MVB12B: variants seen among roughly 807,000 people sequenced by gnomAD.
The protein encoded by MVB12B is ESCRT-I complex subunit MVB12B.
MVB12B carries 16 observed loss-of-function variants against 41.6 expected under a neutral mutation model. The observed-to-expected ratio is 0.38, with a 90% CI of 0.26 to 0.58. MVB12B has a LOEUF of 0.58. Ranked by LOEUF, MVB12B falls within the 20% of genes least tolerant of loss-of-function variation. The pLI is 0.62. For missense variants in MVB12B, 274 were observed against 380.2 expected (o/e 0.72, Z 2.32); for synonymous variants, 133 against 139.7 (o/e 0.95, Z 0.34).
chr9:126,482,582 C>T (rs1833545897), intron 8 of MVB12B, among the ~76,000 whole-genome samples: 1 of 150,768 alleles, frequency 6.6e-6, no homozygotes, highest in South Asian at 2.1e-4. Flanking sequence ...TCACCAGCTC[C>T]AGTTGGGAGA....
intron 2 of MVB12B, among the ~76,000 whole-genome samples, chr9:126,348,066 G>C (rs141948784): frequency 1.3e-5 from 2 of 152,206 alleles, no homozygotes; most frequent in Non-Finnish European, 2.9e-5. Context: ...GCTATCGTGG[G>C]GCTACTAACT....
intron 3 of MVB12B, among the ~76,000 whole-genome samples, chr9:126,385,485 CCTT>C (rs1830757002): frequency 8.5e-5 from 13 of 152,124 alleles, no homozygotes; most frequent in Admixed American, 8.5e-4. Context: ...AGGTAGCAGC[CCTT>C]CTTCTCTAAG....
At chr9:126,457,867 C>T (rs1050694135) in intron 7 of MVB12B, among the ~76,000 whole-genome samples, 4 of 152,148 alleles carry the variant, frequency 2.6e-5, no homozygotes, top group Admixed American at 6.6e-5. Context: ...CCAATAGCCT[C>T]GCTGGAGTCA....
intron 7 of MVB12B, among the ~76,000 whole-genome samples, chr9:126,465,223 C>T (rs1833174405): frequency 6.6e-6 from 1 of 152,178 alleles, no homozygotes; most frequent in Admixed American, 6.5e-5. Context: ...ATATTTAATA[C>T]TTGGGGTGAC....
chr9:126,400,249 A>AG (rs1831231974), intron 6 of MVB12B, among the ~76,000 whole-genome samples: 1 of 152,150 alleles, frequency 6.6e-6, no homozygotes, highest in African/African-American at 2.4e-5. Flanking sequence ...GTGGGGATGG[A>AG]GGGGTGGAGA....
chr9:126,477,075 T>C (rs1833437455), intron 7 of MVB12B, among the ~76,000 whole-genome samples: 1 of 152,128 alleles, frequency 6.6e-6, no homozygotes, highest in Non-Finnish European at 1.5e-5. Flanking sequence ...GCAGGAATCA[T>C]GGCACTGGCA....
chr9:126,336,752 A>ACG (rs200966267), intron 1 of MVB12B, among the ~76,000 whole-genome samples: 34,741 of 97,484 alleles, frequency 0.36, 4,183 homozygotes, highest in South Asian at 0.45. Context: ...TTGTGTGTGC[A>ACG]CGCACACACA....
At chr9:126,363,253 C>G (rs895446485) in intron 2 of MVB12B, among the ~76,000 whole-genome samples, 1 of 152,080 alleles carries the variant, frequency 6.6e-6, no homozygotes, top group African/African-American at 2.4e-5. Flanking sequence ...TCATTGAATT[C>G]TTGTTTCTAA....
intron 2 of MVB12B, among the ~76,000 whole-genome samples, chr9:126,374,385 A>C (rs1830423205): frequency 6.6e-6 from 1 of 152,244 alleles, no homozygotes; most frequent in African/African-American, 2.4e-5. Flanking sequence ...CATGCCTTAC[A>C]GGCCAGCCTC....
At chr9:126,464,971 A>G (rs551651613) in intron 7 of MVB12B, among the ~76,000 whole-genome samples, 9 of 152,306 alleles carry the variant, frequency 5.9e-5, no homozygotes, top group Non-Finnish European at 8.8e-5. Context: ...TCGTGCCGGT[A>G]TCGGCTTCAG....
At chr9:126,449,928 A>C (rs1832859444) in intron 7 of MVB12B, among the ~76,000 whole-genome samples, 2 of 152,202 alleles carry the variant, frequency 1.3e-5, no homozygotes, top group Admixed American at 6.5e-5. Context: ...ACAGCAAATC[A>C]AGGCAGTGGC....
At chr9:126,378,653 T>TC (rs1830553108) in intron 2 of MVB12B, among the ~76,000 whole-genome samples, 3 of 151,806 alleles carry the variant, frequency 2.0e-5, no homozygotes, top group African/African-American at 7.3e-5. Flanking sequence ...TCTCTCTCTC[T>TC]TTCTTTCTTC....
At position 126,398,764 on chromosome 9, in the gene MVB12B, G is replaced by GTGGGTC. The variant is rs1325644939; in HGVS notation, c.662+3067_662+3068insTGGGTC. Among the ~76,000 whole-genome samples the GTGGGTC allele has an allele frequency of 2.7e-3, 416 of 152,334 alleles. 1 individual carries two copies. Among genetic ancestry groups the GTGGGTC allele is most frequent in the African/African-American group, 9.6e-3 (401 of 41,562 alleles). ...AGCCCTGGCCCAGGCCAGCCAGGAG[G>GTGGGTC]ACCTAGGAAGCGGTGGGTCACAGAT... On this transcript the variant is annotated intron_variant, in intron 6 of 9. Coordinates refer to ENST00000361171, the MANE Select transcript of MVB12B (RefSeq NM_033446.3).
rs141590579 is a variant in MVB12B at position 126,456,661 on chromosome 9, T to A, written c.758-24708T>A. 1.2e-4 allele frequency among the ~76,000 whole-genome samples: 18 copies of A among 152,272 alleles called. No individual in the cohort carries two copies. In the East Asian group the frequency reaches 3.3e-3, roughly 28 times the overall value. ...GAGAGTGGGAGAGGAAAGGATCAGT[T>A]ACTCTTTGGCCACCTTGAACGCGCA... On this transcript the variant is annotated intron_variant, in intron 7 of 9. Coordinates refer to ENST00000361171, the MANE Select transcript of MVB12B (RefSeq NM_033446.3).
At chr9:126,417,744 A>G (rs953781788) in intron 6 of MVB12B, among the ~76,000 whole-genome samples, 4 of 152,236 alleles carry the variant, frequency 2.6e-5, no homozygotes, top group Non-Finnish European at 5.9e-5. Context: ...GAACAGGTTT[A>G]TATCAGATGA....
intron 1 of MVB12B, among the ~76,000 whole-genome samples, chr9:126,338,177 A>G (rs188402589): frequency 6.6e-6 from 1 of 152,314 alleles, no homozygotes; most frequent in East Asian, 1.9e-4. Flanking sequence ...TCCGGGGCAC[A>G]GCAGCTGGGG....
chr9:126,497,181 G>C (rs1437730372), intron 9 of MVB12B, among the ~76,000 whole-genome samples: 1 of 152,142 alleles, frequency 6.6e-6, no homozygotes, highest in African/African-American at 2.4e-5. Context: ...GGGCTGAACT[G>C]GCTGGAAGTG....
chr9:126,474,408 T>A (rs1229137145), intron 7 of MVB12B, among the ~76,000 whole-genome samples: 1 of 152,246 alleles, frequency 6.6e-6, no homozygotes, highest in Admixed American at 6.5e-5. Flanking sequence ...TCTTTTGGAA[T>A]GCATGAAGAA....
At chr9:126,368,415 T>G (rs765221772) in intron 2 of MVB12B, among the ~76,000 whole-genome samples, 18 of 152,214 alleles carry the variant, frequency 1.2e-4, no homozygotes, top group Non-Finnish European at 2.4e-4. Context: ...CCTGCCCTGC[T>G]TTGCTTTTTC....
Sources: allele counts gnomAD v4.1 joint callset (sites outside exome capture counted in the v4.1 genomes callset), GRCh38; gene constraint gnomAD v4.1.1; transcripts MANE v1.5; gene names NCBI Gene and HGNC (gene_info 2026-07-23, HGNC 2026-07-21).